Variants in EXOC6B observed in about 807,000 individuals in gnomAD.
The protein encoded by EXOC6B is exocyst complex component 6B, also known as SEC15 homolog B.
A neutral mutation model predicts 113.5 loss-of-function variants in EXOC6B; 54 were observed. That is an observed-to-expected ratio of 0.48 (90% CI 0.38 to 0.60). The LOEUF (loss-of-function observed/expected upper bound fraction) is 0.60. Ranked by LOEUF, EXOC6B falls within the 20% of genes least tolerant of loss-of-function variation. EXOC6B has a pLI of 0.00. For missense variants in EXOC6B, 797 were observed against 977.5 expected, an observed-to-expected ratio of 0.82 and a Z score of 2.46; for synonymous variants, 357 against 339.0, an observed-to-expected ratio of 1.05 and a Z score of -0.58.
At chr2:72,562,728 A>G (rs1428468901) in intron 7 of EXOC6B, among the ~76,000 whole-genome samples, 1 of 152,142 alleles carries the variant, frequency 6.6e-6, no homozygotes, top group Non-Finnish European at 1.5e-5. Context: ...ATTTCCTCTC[A>G]TAAGGGCTTT....
At chr2:72,281,689 T>C (rs186326615) in intron 20 of EXOC6B, among the ~76,000 whole-genome samples, 7 of 152,176 alleles carry the variant, frequency 4.6e-5, no homozygotes, top group East Asian at 3.9e-4. Flanking sequence ...TTTGAAGATA[T>C]AATAACTGCA....
At chr2:72,192,416 A>C (rs753017334) in intron 20 of EXOC6B, among the ~76,000 whole-genome samples, 30 of 152,172 alleles carry the variant, frequency 2.0e-4, no homozygotes, top group Non-Finnish European at 3.4e-4. Flanking sequence ...AGGAAGCATC[A>C]AACAGGAGAT....
At chr2:72,334,031 A>T (rs1418276091) in intron 20 of EXOC6B, among the ~76,000 whole-genome samples, 1 of 152,012 alleles carries the variant, frequency 6.6e-6, no homozygotes, top group South Asian at 2.1e-4. Flanking sequence ...GCACTGCATC[A>T]TTATGGCAGG....
intron 6 of EXOC6B, among the ~76,000 whole-genome samples, chr2:72,701,937 A>C (rs1434399925): frequency 6.7e-6 from 1 of 149,010 alleles, no homozygotes; most frequent in Non-Finnish European, 1.5e-5. Context: ...TTTTTTAATT[A>C]TACTTTAAGT....
At chr2:72,447,639 C>T (rs1255055261) in intron 18 of EXOC6B, among the ~76,000 whole-genome samples, 2 of 152,128 alleles carry the variant, frequency 1.3e-5, no homozygotes, top group African/African-American at 4.8e-5. Flanking sequence ...AAATGTATTT[C>T]TATTAATAAT....
intron 8 of EXOC6B, among the ~76,000 whole-genome samples, chr2:72,530,375 G>A (rs1701941289): frequency 1.3e-5 from 2 of 152,136 alleles, no homozygotes; most frequent in African/African-American, 4.8e-5. Context: ...GGCATTATAT[G>A]TAAGTGTATT....
intron 18 of EXOC6B, among the ~76,000 whole-genome samples, chr2:72,409,847 C>T (rs1694046311): frequency 6.6e-6 from 1 of 151,724 alleles, no homozygotes; most frequent in African/African-American, 2.4e-5. Flanking sequence ...TGCACATGTA[C>T]CCTAAAACTT....
intron 20 of EXOC6B, among the ~76,000 whole-genome samples, chr2:72,328,569 C>G (rs1688265545): frequency 6.6e-6 from 1 of 151,762 alleles, no homozygotes; most frequent in Non-Finnish European, 1.5e-5. Context: ...GGGCTAGGCA[C>G]AGTGTTGAAT....
At chr2:72,248,718 A>G (rs1457479666) in intron 20 of EXOC6B, among the ~76,000 whole-genome samples, 1 of 152,236 alleles carries the variant, frequency 6.6e-6, no homozygotes, top group Non-Finnish European at 1.5e-5. Context: ...ATTAACATCT[A>G]GCTAAATTAT....
chr2:72,369,776 T>C (rs1690885870), intron 19 of EXOC6B, among the ~76,000 whole-genome samples: 1 of 152,320 alleles, frequency 6.6e-6, no homozygotes, highest in East Asian at 1.9e-4. Flanking sequence ...ATTCCCTATT[T>C]AACAAATGGT....
At chr2:72,460,939 C>A (rs1448779632) in intron 18 of EXOC6B, among the ~76,000 whole-genome samples, 1 of 151,202 alleles carries the variant, frequency 6.6e-6, no homozygotes, top group Non-Finnish European at 1.5e-5. Context: ...TTCACAATAG[C>A]AAAGACTTGG....
Position 72,575,483 on chromosome 2 carries a change from G to A in EXOC6B, c.846+9C>T. 3.1e-6 allele frequency: 5 copies of A among 1,599,600 alleles called. No individual in the cohort carries two copies. Among genetic ancestry groups the A allele is most frequent in the African/African-American group, 1.4e-5 (1 of 73,918 alleles). On this transcript the variant is annotated intron_variant, in intron 7 of 21. Coordinates refer to ENST00000272427, the MANE Select transcript of EXOC6B (RefSeq NM_015189.3). ...ATAGTCTCACTTCCCAACATCAAATGTTACTTACCTCTTCATCATCTTCCT... is the reference window on the plus strand; with the variant it reads ...ATAGTCTCACTTCCCAACATCAAATATTACTTACCTCTTCATCATCTTCCT...
At chr2:72,820,088 G>A (rs1686496171) in intron 1 of EXOC6B, among the ~76,000 whole-genome samples, 1 of 152,070 alleles carries the variant, frequency 6.6e-6, no homozygotes, top group South Asian at 2.1e-4. Context: ...GTAGTAAGTG[G>A]ATGCCACATC....
At chr2:72,441,613 C>A (rs918017608) in intron 18 of EXOC6B, among the ~76,000 whole-genome samples, 1 of 152,130 alleles carries the variant, frequency 6.6e-6, no homozygotes, top group Non-Finnish European at 1.5e-5. Flanking sequence ...ATTATAAACA[C>A]CTCTATGCAT....
At chr2:72,764,948 C>T (rs1682973166) in intron 1 of EXOC6B, among the ~76,000 whole-genome samples, 5 of 152,104 alleles carry the variant, frequency 3.3e-5, no homozygotes, top group Admixed American at 1.3e-4. Flanking sequence ...CTTTCTCCTG[C>T]TCCAATCTAA....
chr2:72,368,338 C>G (rs1331695264), intron 19 of EXOC6B, among the ~76,000 whole-genome samples: 1 of 152,138 alleles, frequency 6.6e-6, no homozygotes, highest in Non-Finnish European at 1.5e-5. Context: ...TCTGAATAGA[C>G]CAATAACAGG....
chr2:72,581,802 GTGCCTTCCAC>G (rs1304400080), intron 6 of EXOC6B, among the ~76,000 whole-genome samples: 4 of 152,162 alleles, frequency 2.6e-5, no homozygotes, highest in Admixed American at 2.6e-4. Flanking sequence ...ACTAGTGCTT[GTGCCTTCCAC>G]TGGCAGACCT....
At chr2:72,807,671 G>A (rs1228096370) in intron 1 of EXOC6B, among the ~76,000 whole-genome samples, 1 of 152,124 alleles carries the variant, frequency 6.6e-6, no homozygotes, top group Non-Finnish European at 1.5e-5. Context: ...CCACTAAAAA[G>A]AAAGAGATCC....
intron 7 of EXOC6B, among the ~76,000 whole-genome samples, chr2:72,567,412 G>A (rs1304416832): frequency 6.6e-6 from 1 of 151,884 alleles, no homozygotes; most frequent in African/African-American, 2.4e-5. Context: ...CTGATACTCT[G>A]GAAACCAGAA....
Sources: gnomAD v4.1 joint callset for allele counts (sites outside exome capture counted in the v4.1 genomes callset) on GRCh38, gnomAD v4.1.1 for gene constraint, MANE v1.5 for transcripts, NCBI Gene and HGNC (gene_info 2026-07-23, HGNC 2026-07-21) for gene names.